The following DAB1 variants were observed in gnomAD, a reference collection of about 807,000 sequenced individuals.
The protein encoded by DAB1 is disabled homolog 1.
DAB1 carries 15 observed loss-of-function variants against 64.6 expected under a neutral mutation model. The ratio of observed to expected loss-of-function variants is 0.23; its 90% CI spans 0.16 to 0.36. DAB1 has a LOEUF of 0.36. DAB1 is among the 10% of genes least tolerant of loss of function. DAB1 has a pLI of 1.00. For missense variants in DAB1, 596 were observed against 706.7 expected (o/e 0.84, Z 1.78); for synonymous variants, 235 against 251.9 (o/e 0.93, Z 0.64).
intron 5 of DAB1, among the ~76,000 whole-genome samples, chr1:58,024,576 C>T (rs1348037023): frequency 6.6e-6 from 1 of 152,176 alleles, no homozygotes; most frequent in East Asian, 1.9e-4. Flanking sequence ...TGATTCTTAT[C>T]ACCATTGTTA....
intron 10 of DAB1, among the ~76,000 whole-genome samples, chr1:57,025,329 C>T (rs1013314127): frequency 3.3e-5 from 5 of 152,154 alleles, no homozygotes; most frequent in Non-Finnish European, 5.9e-5. Context: ...AATCTCTGTC[C>T]TTTTGTAAGC....
intron 6 of DAB1, among the ~76,000 whole-genome samples, chr1:57,808,033 G>A (rs1296980994): frequency 3.3e-5 from 5 of 152,150 alleles, no homozygotes; most frequent in Non-Finnish European, 4.4e-5. Flanking sequence ...GTGGCTATTA[G>A]TAAAGTTTTG....
At chr1:58,416,122 A>G (rs2100212563) in intron 3 of DAB1, among the ~76,000 whole-genome samples, 1 of 152,278 alleles carries the variant, frequency 6.6e-6, no homozygotes, top group Non-Finnish European at 1.5e-5. Context: ...AGATAAGGAA[A>G]TGCATCTTAG....
intron 7 of DAB1, among the ~76,000 whole-genome samples, chr1:57,460,131 A>G (rs1686734440): frequency 6.6e-6 from 1 of 152,228 alleles, no homozygotes; most frequent in Non-Finnish European, 1.5e-5. Context: ...TTGAGCAAAC[A>G]AACCATTAGT....
At chr1:57,157,398 T>C (rs555261149) in intron 2 of DAB1, among the ~76,000 whole-genome samples, 11 of 152,178 alleles carry the variant, frequency 7.2e-5, no homozygotes, top group Non-Finnish European at 1.5e-4. Flanking sequence ...TAAAATACCA[T>C]AGACTGCATG....
intron 2 of DAB1, among the ~76,000 whole-genome samples, chr1:57,205,524 G>A (rs1665466210): frequency 6.6e-6 from 1 of 152,182 alleles, no homozygotes; most frequent in Admixed American, 6.5e-5. Flanking sequence ...TATGAGATCA[G>A]CAGCTTTACT....
intron 5 of DAB1, among the ~76,000 whole-genome samples, chr1:58,050,629 A>G (rs1336677634): frequency 6.6e-6 from 1 of 152,154 alleles, no homozygotes; most frequent in Non-Finnish European, 1.5e-5. Context: ...TCCTGGGTTC[A>G]CGCCATTCTC....
At chr1:57,542,915 C>CTCAGA (rs1259922696) in intron 7 of DAB1, among the ~76,000 whole-genome samples, 3 of 152,182 alleles carry the variant, frequency 2.0e-5, no homozygotes, top group Admixed American at 1.3e-4. Context: ...CTCTCCCACT[C>CTCAGA]TCAGATCACT....
At chr1:57,946,609 C>A (rs1017178411) in intron 5 of DAB1, among the ~76,000 whole-genome samples, 1 of 152,110 alleles carries the variant, frequency 6.6e-6, no homozygotes, top group Non-Finnish European at 1.5e-5. Context: ...AGAGGGGATG[C>A]GGTCTGATAT....
intron 7 of DAB1, among the ~76,000 whole-genome samples, chr1:57,641,940 G>T (rs1224860245): frequency 6.6e-6 from 1 of 152,106 alleles, no homozygotes; most frequent in African/African-American, 2.4e-5. Context: ...ATAGGTCTGG[G>T]TTAGAGTCCT....
intron 4 of DAB1, among the ~76,000 whole-genome samples, chr1:58,167,522 G>T (rs1268766671): frequency 6.6e-6 from 1 of 152,222 alleles, no homozygotes; most frequent in Non-Finnish European, 1.5e-5. Flanking sequence ...CAGGATGTGG[G>T]CAGGGTCAAA....
intron 5 of DAB1, among the ~76,000 whole-genome samples, chr1:57,970,429 A>G (rs1428805504): frequency 6.6e-6 from 1 of 152,180 alleles, no homozygotes; most frequent in African/African-American, 2.4e-5. Flanking sequence ...AGCAACATGG[A>G]GAAAATGCCA....
In DAB1 at chr1:58,298,419, C is replaced by T. The variant is rs561846342; in HGVS notation, n.309+44933G>A. ...GTATTATTTGTATCTCTTGAAGACA[C>T]TTCAAATCCTGTTGGAATAGGAATG... On this transcript the variant is annotated intron_variant and non_coding_transcript_variant, in intron 4 of 20. Transcript: ENST00000485760. Among the ~76,000 whole-genome samples, 3 of 152,296 alleles carry T rather than the reference C, an allele frequency of 2.0e-5. No homozygotes were observed. In the South Asian group the frequency reaches 6.2e-4, roughly 32 times the overall value.
intron 2 of DAB1, among the ~76,000 whole-genome samples, chr1:57,211,467 G>A (rs1284174734): frequency 6.6e-6 from 1 of 152,146 alleles, no homozygotes; most frequent in African/African-American, 2.4e-5. Context: ...ATGGGGCTGG[G>A]AAGTGAGAGG....
chr1:57,454,761 T>C (rs899773218), intron 7 of DAB1, among the ~76,000 whole-genome samples: 3 of 152,234 alleles, frequency 2.0e-5, no homozygotes, highest in Admixed American at 1.3e-4. Context: ...AAAGTTACTA[T>C]TGTGGCTAAA....
In DAB1 at chr1:57,734,460, C is replaced by T. The variant is rs144371820; in HGVS notation, n.552-84795G>A. ...TGAGGATTGGATTTATAACTCCAAC[C>T]CCATTAGCATAAGGTTTTAGCCAAC... On this transcript the variant is annotated intron_variant and non_coding_transcript_variant, in intron 6 of 20. Transcript: ENST00000485760. Among the ~76,000 whole-genome samples the T allele has an allele frequency of 1.4e-3, 209 of 152,214 alleles. 2 individuals are homozygous for T. Among genetic ancestry groups the T allele is most frequent in the African/African-American group, 4.8e-3 (200 of 41,530 alleles).
Position 57,546,981 on chromosome 1 carries a change from A to G in DAB1, n.625+102611T>C, listed in dbSNP as rs150335094. ...GGTTCAAATTTTTTCTATTTAAAGC[A>G]TATTAATCGTATTTTTTTTAATGAA... On this transcript the variant is annotated intron_variant and non_coding_transcript_variant, in intron 7 of 20. Coordinates refer to the DAB1 transcript ENST00000485760. 2.6e-4 allele frequency among the ~76,000 whole-genome samples: 40 copies of G among 152,270 alleles called. No homozygotes were observed. In the East Asian group the frequency reaches 5.8e-3, roughly 22 times the overall value.
intron 2 of DAB1, among the ~76,000 whole-genome samples, chr1:57,148,884 A>C (rs2100836548): frequency 6.6e-6 from 1 of 152,330 alleles, no homozygotes; most frequent in East Asian, 1.9e-4. Context: ...ACCATTTTAA[A>C]GTATAGAATC....
chr1:58,142,464 G>C (rs1013922968), intron 5 of DAB1, among the ~76,000 whole-genome samples: 2 of 152,180 alleles, frequency 1.3e-5, no homozygotes, highest in South Asian at 4.1e-4. Context: ...AGGAAATGGA[G>C]TCTCTTCATC....
Sources: gnomAD v4.1 joint callset for allele counts (sites outside exome capture counted in the v4.1 genomes callset) on GRCh38, gnomAD v4.1.1 for gene constraint, MANE v1.5 for transcripts, NCBI Gene and HGNC (gene_info 2026-07-23, HGNC 2026-07-21) for gene names.